EIPR1: variants seen among roughly 807,000 people sequenced by gnomAD.
The protein encoded by EIPR1 is EARP and GARP complex-interacting protein 1.
Under a neutral mutation model 48.1 loss-of-function variants are expected in EIPR1, and 25 were observed. The ratio of observed to expected loss-of-function variants is 0.52; its 90% CI spans 0.38 to 0.73. The LOEUF (loss-of-function observed/expected upper bound fraction) is 0.73, where lower values mean the gene tolerates loss of function less well. Ranked by LOEUF, EIPR1 falls within the 30% of genes least tolerant of loss-of-function variation. The probability of loss-of-function intolerance (pLI) is 0.00; values close to 1 mark genes in which losing one functional copy is unlikely to be tolerated. For synonymous variants in EIPR1, 204 were observed against 201.9 expected (o/e 1.01, Z -0.09); for missense variants, 415 against 506.2 (o/e 0.82, Z 1.73).
At chr2:3,347,210 C>T (rs955243471) in intron 2 of EIPR1, among the ~76,000 whole-genome samples, 3 of 152,154 alleles carry the variant, frequency 2.0e-5, no homozygotes, top group African/African-American at 7.2e-5. Flanking sequence ...ATGAATTACC[C>T]AGTCTCGGGT....
chr2:3,373,309 G>T (rs1558326133), intron 1 of EIPR1, among the ~76,000 whole-genome samples: 4 of 151,554 alleles, frequency 2.6e-5, no homozygotes, highest in Admixed American at 1.3e-4. Context: ...CATTCCCTTT[G>T]AAAACTGGCA....
intron 3 of EIPR1, among the ~76,000 whole-genome samples, chr2:3,326,362 G>A (rs919966255): frequency 2.0e-5 from 3 of 152,172 alleles, no homozygotes; most frequent in African/African-American, 7.2e-5. Flanking sequence ...AAAGCAGAGA[G>A]TCTAGGTTTT....
intron 3 of EIPR1, among the ~76,000 whole-genome samples, chr2:3,335,593 C>T (rs1379046909): frequency 1.3e-5 from 2 of 152,196 alleles, no homozygotes; most frequent in Non-Finnish European, 2.9e-5. Flanking sequence ...AAAAGCCTAA[C>T]TGATGTGGTT....
intron 5 of EIPR1, among the ~76,000 whole-genome samples, chr2:3,199,360 C>T (rs950797933): frequency 2.6e-5 from 4 of 152,126 alleles, no homozygotes; most frequent in African/African-American, 7.2e-5. Flanking sequence ...ACATCCTCAG[C>T]TTACGAAGAT....
chr2:3,332,482 C>G (rs1211626643), intron 3 of EIPR1, among the ~76,000 whole-genome samples: 1 of 152,244 alleles, frequency 6.6e-6, no homozygotes, highest in East Asian at 1.9e-4. Context: ...GAAGGTTGTG[C>G]TGTTATTTGC....
chr2:3,310,405 G>A (rs1391456727), intron 3 of EIPR1, among the ~76,000 whole-genome samples: 1 of 151,338 alleles, frequency 6.6e-6, no homozygotes, highest in Non-Finnish European at 1.5e-5. Flanking sequence ...TGTAATCCCA[G>A]CACTTTGGGA....
chr2:3,280,920 G>A (rs1667994275), intron 3 of EIPR1, among the ~76,000 whole-genome samples: 1 of 151,720 alleles, frequency 6.6e-6, no homozygotes, highest in South Asian at 2.1e-4. Context: ...AGCCGCCTGT[G>A]CAGCTGCTGC....
In EIPR1 at chr2:3,189,216, G is replaced by T. The variant is rs538860532; in HGVS notation, c.*118C>A. On this transcript the variant is annotated 3_prime_UTR_variant, in exon 9 of 9. Transcript: ENST00000382125. The surrounding 1 kb of genome is among the most constrained non-coding windows in gnomAD (Gnocchi z 4.6). The stretch of plus-strand genomic sequence containing the variant: ...GCTGCTGCTACAGGAAGGGAACAGC[G>T]GCTCTCCCAGAGAGGGATCCACCTG... The T allele has an allele frequency of 8.2e-5, 90 of 1,091,004 alleles. No homozygotes were observed. In the East Asian group the frequency reaches 2.4e-3, roughly 29 times the overall value. The allele number at this position is 1,091,004 out of a possible 1,614,324, so 67.6% of individuals were successfully genotyped here. A position where few individuals can be genotyped will look rare whatever the true frequency, so the allele number is the denominator to read the frequency against.
At chr2:3,303,747 G>A (rs1415312653) in intron 3 of EIPR1, among the ~76,000 whole-genome samples, 2 of 152,208 alleles carry the variant, frequency 1.3e-5, no homozygotes, top group Non-Finnish European at 2.9e-5. Flanking sequence ...TAGACGACAC[G>A]TGATACGGTG....
At chr2:3,289,445 C>T (rs1668301365) in intron 3 of EIPR1, among the ~76,000 whole-genome samples, 1 of 152,114 alleles carries the variant, frequency 6.6e-6, no homozygotes, top group Non-Finnish European at 1.5e-5. Flanking sequence ...CAATGGCAGA[C>T]CCAAAACCGA....
chr2:3,206,959 G>A (rs930005002), intron 5 of EIPR1, among the ~76,000 whole-genome samples: 15 of 152,122 alleles, frequency 9.9e-5, no homozygotes, highest in South Asian at 2.1e-4. Flanking sequence ...ATGATCATTC[G>A]CTGGCTTTGG....
chr2:3,372,053 A>G (rs1418612369), intron 1 of EIPR1, among the ~76,000 whole-genome samples: 3 of 151,950 alleles, frequency 2.0e-5, no homozygotes, highest in African/African-American at 7.2e-5. Flanking sequence ...CAGTGCAATC[A>G]AACTAGAACT....
intron 4 of EIPR1, among the ~76,000 whole-genome samples, chr2:3,252,378 G>A (rs950135056): frequency 6.6e-5 from 10 of 152,160 alleles, no homozygotes; most frequent in Non-Finnish European, 1.2e-4. Flanking sequence ...ATCACCTGAG[G>A]TCAGGAGTTC....
chr2:3,228,181 G>A (rs896701457), intron 4 of EIPR1, among the ~76,000 whole-genome samples: 2 of 152,264 alleles, frequency 1.3e-5, no homozygotes, highest in African/African-American at 4.8e-5. Context: ...CAGCCAGTCG[G>A]GTGTACCCTG....
intron 4 of EIPR1, among the ~76,000 whole-genome samples, chr2:3,253,946 C>T (rs1449948892): frequency 6.6e-6 from 1 of 152,140 alleles, no homozygotes; most frequent in East Asian, 1.9e-4. Context: ...CCATGGCAGG[C>T]GTGATGGCAG....
chr2:3,273,672 A>G (rs201876630), intron 3 of EIPR1, among the ~76,000 whole-genome samples: 1,087 of 81,006 alleles, frequency 0.013, 13 homozygotes, highest in African/African-American at 0.055. Flanking sequence ...TAAGCCAAGA[A>G]TCTAACTTAA....
chr2:3,244,931 A>G (rs1666748936), intron 4 of EIPR1, among the ~76,000 whole-genome samples: 1 of 152,206 alleles, frequency 6.6e-6, no homozygotes, highest in Non-Finnish European at 1.5e-5. Flanking sequence ...TGGAAATTGA[A>G]CTAAAATCCT....
At chr2:3,208,760 G>A (rs777873039) in intron 5 of EIPR1, 112 of 1,547,876 alleles carry the variant, frequency 7.2e-5, no homozygotes, top group Non-Finnish European at 9.1e-5. Context: ...AGTGAGGCCC[G>A]TGGCGAGTCC....
chr2:3,326,295 C>T (rs1426333729), intron 3 of EIPR1, among the ~76,000 whole-genome samples: 1 of 152,152 alleles, frequency 6.6e-6, no homozygotes, highest in Non-Finnish European at 1.5e-5. Flanking sequence ...TACAGATGAA[C>T]GCTCCAGAGG....
Sources: gnomAD v4.1 joint callset for allele counts (sites outside exome capture counted in the v4.1 genomes callset) on GRCh38, gnomAD v4.1.1 for gene constraint, Gnocchi (gnomAD v3.1) non-coding constraint, MANE v1.5 for transcripts, NCBI Gene and HGNC (gene_info 2026-07-23, HGNC 2026-07-21) for gene names.